The following MEI4 variants were observed in gnomAD, a reference collection of about 807,000 sequenced individuals.
MEI4 encodes meiotic double-stranded break formation protein 4.
In MEI4, 27 loss-of-function variants were observed where a neutral mutation model predicts 31.4. That is an observed-to-expected ratio of 0.86 (90% confidence interval 0.63 to 1.19). The LOEUF (loss-of-function observed/expected upper bound fraction) is 1.19, where lower values mean the gene tolerates loss of function less well. Ranked by LOEUF, MEI4 falls within the 50% of genes most tolerant of loss-of-function variation. The probability of loss-of-function intolerance (pLI) is 0.00; values close to 1 mark genes in which losing one functional copy is unlikely to be tolerated. For missense variants in MEI4, 329 were observed against 398.9 expected, an observed-to-expected ratio of 0.82 and a Z score of 1.49; for synonymous variants, 122 against 145.4, an observed-to-expected ratio of 0.84 and a Z score of 1.16.
intron 4 of MEI4, among the ~76,000 whole-genome samples, chr6:77,893,507 T>C (rs34031322): frequency 1.3e-5 from 2 of 152,326 alleles, no homozygotes; most frequent in African/African-American, 4.8e-5. Context: ...TCTCATATTG[T>C]TCTATAATTA....
At chr6:77,666,506 G>A (rs1768635697) in intron 1 of MEI4, among the ~76,000 whole-genome samples, 1 of 152,118 alleles carries the variant, frequency 6.6e-6, no homozygotes, top group Non-Finnish European at 1.5e-5. Flanking sequence ...AGTTCATAGG[G>A]ATCACATGTC....
At chr6:77,735,320 G>A (rs1767156448) in intron 2 of MEI4, among the ~76,000 whole-genome samples, 2 of 151,692 alleles carry the variant, frequency 1.3e-5, no homozygotes, top group African/African-American at 2.4e-5. Flanking sequence ...TTTCTTGGAG[G>A]CTTTGCTCAT....
intron 2 of MEI4, among the ~76,000 whole-genome samples, chr6:77,726,809 G>A (rs1582063959): frequency 7.8e-6 from 1 of 128,794 alleles, no homozygotes. Flanking sequence ...TTTCAGTGTG[G>A]TGCATTTTGT....
chr6:77,889,757 G>T (rs935457303), intron 4 of MEI4, among the ~76,000 whole-genome samples: 1 of 152,174 alleles, frequency 6.6e-6, no homozygotes, highest in Non-Finnish European at 1.5e-5. Flanking sequence ...GGTTTTGTGG[G>T]CCAGGGCCAG....
At chr6:77,862,396 G>T (rs372942450) in intron 4 of MEI4, among the ~76,000 whole-genome samples, 2 of 152,216 alleles carry the variant, frequency 1.3e-5, no homozygotes, top group African/African-American at 4.8e-5. Context: ...CTTTTCCAAC[G>T]GTCTTAGCAA....
chr6:77,662,230 A>G (rs989936141), intron 1 of MEI4, among the ~76,000 whole-genome samples: 35 of 152,176 alleles, frequency 2.3e-4, no homozygotes, highest in South Asian at 2.1e-3. Context: ...CCTCAATGAT[A>G]GATGTGGAAG....
chr6:77,762,428 CT>C (rs1768066530), intron 3 of MEI4, among the ~76,000 whole-genome samples: 1 of 152,042 alleles, frequency 6.6e-6, no homozygotes, highest in Non-Finnish European at 1.5e-5. Context: ...ATATCTGATC[CT>C]TTTTCTGGGA....
chr6:77,690,636 CT>C, intron 1 of MEI4, 21 bp from the exon 2 acceptor site: 1 of 1,139,266 alleles, frequency 8.8e-7, no homozygotes, highest in Non-Finnish European at 1.1e-6. Context: ...ATTTCTATAA[CT>C]TTTTTCTTAT....
chr6:77,691,950 C>T (rs1012548021), intron 2 of MEI4, among the ~76,000 whole-genome samples: 1 of 151,904 alleles, frequency 6.6e-6, no homozygotes, highest in Non-Finnish European at 1.5e-5. Flanking sequence ...AGTGTTATTT[C>T]TTTGCATAAA....
At chr6:77,872,998 G>T (rs1400801851) in intron 4 of MEI4, among the ~76,000 whole-genome samples, 1 of 151,368 alleles carries the variant, frequency 6.6e-6, no homozygotes, top group Non-Finnish European at 1.5e-5. Context: ...CATTTGGGTT[G>T]GTTCCAAGTC....
At chr6:77,834,884 A>AAGGTTATATGGTT (rs1770177075) in intron 4 of MEI4, among the ~76,000 whole-genome samples, 2 of 152,150 alleles carry the variant, frequency 1.3e-5, no homozygotes, top group Admixed American at 1.3e-4. Flanking sequence ...AAGCCCATAT[A>AAGGTTATATGGTT]AGTAAACAGG....
At chr6:77,662,218 A>G (rs969908809) in intron 1 of MEI4, among the ~76,000 whole-genome samples, 1 of 152,208 alleles carries the variant, frequency 6.6e-6, no homozygotes, top group Non-Finnish European at 1.5e-5. Flanking sequence ...GCAGAGTGGT[A>G]GCCTCAATGA....
chr6:77,657,310 T>A (rs1225237916), intron 1 of MEI4, among the ~76,000 whole-genome samples: 1 of 152,214 alleles, frequency 6.6e-6, no homozygotes, highest in African/African-American at 2.4e-5. Flanking sequence ...TATATCAGTA[T>A]TATTTTGTAC....
intron 4 of MEI4, among the ~76,000 whole-genome samples, chr6:77,858,326 A>G (rs940045387): frequency 6.6e-6 from 1 of 152,178 alleles, no homozygotes; most frequent in Non-Finnish European, 1.5e-5. Flanking sequence ...TTAATGCATT[A>G]ATGCTCAAAG....
intron 2 of MEI4, among the ~76,000 whole-genome samples, chr6:77,733,004 T>A (rs1582072850): frequency 6.6e-6 from 1 of 151,728 alleles, no homozygotes; most frequent in South Asian, 2.1e-4. Context: ...ATAAGCTTTT[T>A]GATGTGCTGC....
rs1240156117 is a variant in MEI4, at chr6:77,820,986, A to G, written c.769-7945A>G. Among the ~76,000 whole-genome samples, 5 of 150,924 alleles carry G rather than the reference A, an allele frequency of 3.3e-5. No homozygotes were observed. The highest frequency in any genetic ancestry group is 4.2e-4 in the South Asian group (2 of 4,780). On this transcript the variant is annotated intron_variant, in intron 3 of 4. Transcript: ENST00000684080. The surrounding 1 kb of genome is among the most constrained non-coding windows in gnomAD (Gnocchi z 4.5). ...CTATTCTCTATGTCTCTTAACCTCT[A>G]CTCGTATATTGCATGCACATCATTT...
At chr6:77,782,576 T>C (rs190044817) in intron 3 of MEI4, among the ~76,000 whole-genome samples, 1 of 152,104 alleles carries the variant, frequency 6.6e-6, no homozygotes, top group East Asian at 1.9e-4. Context: ...TTTTATTTTT[T>C]CATAAGGGAA....
chr6:77,842,078 T>A (rs1053224408), intron 4 of MEI4, among the ~76,000 whole-genome samples: 1 of 152,174 alleles, frequency 6.6e-6, no homozygotes, highest in African/African-American at 2.4e-5. Flanking sequence ...AGCCATTGAC[T>A]AGTTTGACTT....
At chr6:77,663,979 G>C (rs1202487655) in intron 1 of MEI4, among the ~76,000 whole-genome samples, 1 of 152,184 alleles carries the variant, frequency 6.6e-6, no homozygotes, top group Admixed American at 6.5e-5. Context: ...CCGGGCTGCG[G>C]GCATTCCTTG....
Sources: allele counts gnomAD v4.1 joint callset (sites outside exome capture counted in the v4.1 genomes callset), GRCh38; gene constraint gnomAD v4.1.1; non-coding constraint Gnocchi (gnomAD v3.1); transcripts MANE v1.5; gene names NCBI Gene and HGNC (gene_info 2026-07-23, HGNC 2026-07-21).